DAB1: variants seen among roughly 807,000 people sequenced by gnomAD.
DAB1 encodes the protein DAB adaptor protein 1, also known as disabled homolog 1.
Under a neutral mutation model 64.6 loss-of-function variants are expected in DAB1, and 15 were observed. The observed-to-expected ratio is 0.23, with a 90% CI of 0.16 to 0.36. The LOEUF is 0.36. Ranked by LOEUF, DAB1 falls within the 10% of genes least tolerant of loss-of-function variation. The probability of loss-of-function intolerance (pLI) is 1.00; values close to 1 mark genes in which losing one functional copy is unlikely to be tolerated. For missense variants in DAB1, 596 were observed against 706.7 expected (o/e 0.84, Z 1.78); for synonymous variants, 235 against 251.9 (o/e 0.93, Z 0.64).
At chr1:57,232,373 T>C (rs1286033706) in intron 2 of DAB1, among the ~76,000 whole-genome samples, 1 of 150,250 alleles carries the variant, frequency 6.7e-6, no homozygotes, top group Non-Finnish European at 1.5e-5. Context: ...ATTAGCTTCA[T>C]AGATATTCAT....
At chr1:58,307,812 A>G (rs1268980974) in intron 4 of DAB1, among the ~76,000 whole-genome samples, 1 of 152,014 alleles carries the variant, frequency 6.6e-6, no homozygotes, top group Non-Finnish European at 1.5e-5. Context: ...TAGAGCATAA[A>G]TACCCAGGAA....
intron 5 of DAB1, among the ~76,000 whole-genome samples, chr1:57,992,524 G>A (rs1646360494): frequency 6.6e-6 from 1 of 152,120 alleles, no homozygotes; most frequent in Non-Finnish European, 1.5e-5. Flanking sequence ...TCTCAGTCTG[G>A]CCCAAAGGAA....
chr1:58,521,762 ATAAT>A (rs1265817674), intron 2 of DAB1, among the ~76,000 whole-genome samples: 2 of 152,202 alleles, frequency 1.3e-5, no homozygotes, highest in African/African-American at 2.4e-5. Context: ...GACTGAATCC[ATAAT>A]TAAAGACAAA....
At chr1:57,820,867 T>C (rs1652084687) in intron 6 of DAB1, among the ~76,000 whole-genome samples, 1 of 152,234 alleles carries the variant, frequency 6.6e-6, no homozygotes, top group South Asian at 2.1e-4. Context: ...ATTGCTGATA[T>C]TGCTCAATAG....
At chr1:58,509,152 G>A (rs1427497933) in intron 2 of DAB1, among the ~76,000 whole-genome samples, 1 of 151,320 alleles carries the variant, frequency 6.6e-6, no homozygotes, top group Admixed American at 6.6e-5. Context: ...TCAACAATAA[G>A]AGTGAAAAAA....
intron 10 of DAB1, 87 bp from the exon 11 acceptor site, chr1:57,023,726 G>C (rs543422866): frequency 1.2e-6 from 1 of 822,084 alleles, no homozygotes; most frequent in Non-Finnish European, 2.1e-6. Flanking sequence ...GAATTAAGGC[G>C]CAGGGGAAGG....
At chr1:57,212,342 C>T (rs1335376499) in intron 2 of DAB1, among the ~76,000 whole-genome samples, 2 of 140,806 alleles carry the variant, frequency 1.4e-5, no homozygotes, top group African/African-American at 5.2e-5. Flanking sequence ...GGTAATATTA[C>T]ATGTATATAT....
chr1:58,230,152 A>G (rs1659708729), intron 4 of DAB1, among the ~76,000 whole-genome samples: 2 of 152,142 alleles, frequency 1.3e-5, no homozygotes, highest in African/African-American at 4.8e-5. Context: ...GAACAAGGTG[A>G]CCTTCCTTCC....
chr1:57,445,958 A>G (rs1686121315), intron 7 of DAB1, among the ~76,000 whole-genome samples: 1 of 152,194 alleles, frequency 6.6e-6, no homozygotes, highest in South Asian at 2.1e-4. Context: ...AGTATTCTGA[A>G]TCAGTCTTTC....
At chr1:58,501,512 C>T (rs981579672) in intron 3 of DAB1, among the ~76,000 whole-genome samples, 1 of 152,186 alleles carries the variant, frequency 6.6e-6, no homozygotes, top group East Asian at 1.9e-4. Flanking sequence ...ACGCCCTCCC[C>T]CTTCCCTTGC....
intron 5 of DAB1, among the ~76,000 whole-genome samples, chr1:58,050,121 C>A (rs1023947434): frequency 1.3e-5 from 2 of 152,086 alleles, no homozygotes; most frequent in African/African-American, 4.8e-5. Flanking sequence ...ATAGCACGTA[C>A]AAAGGCCCTG....
At chr1:58,501,386 C>T (rs1645904449) in intron 3 of DAB1, among the ~76,000 whole-genome samples, 1 of 152,138 alleles carries the variant, frequency 6.6e-6, no homozygotes, top group Non-Finnish European at 1.5e-5. Flanking sequence ...CTGTAGATCA[C>T]ATCATTTTCA....
Position 58,119,163 on chromosome 1 carries a change from C to T in DAB1, n.387+31348G>A, listed in dbSNP as rs542019138. On this transcript the variant is annotated intron_variant and non_coding_transcript_variant, in intron 5 of 20. Coordinates refer to the DAB1 transcript ENST00000485760. ...CAAGCATTGAACAAATATTTATCTG[C>T]AATCTCTTGTCTGAATTATAAAATC... 3.9e-5 allele frequency among the ~76,000 whole-genome samples: 6 copies of T among 152,056 alleles called. No homozygotes were observed. In the South Asian group the frequency reaches 8.3e-4, roughly 21 times the overall value.
chr1:57,485,806 T>A (rs1644083495), intron 7 of DAB1, among the ~76,000 whole-genome samples: 1 of 152,338 alleles, frequency 6.6e-6, no homozygotes, highest in South Asian at 2.1e-4. Context: ...GCTGTCATAA[T>A]CACTGTGATG....
At chr1:57,693,501 A>G (rs1646788828) in intron 6 of DAB1, among the ~76,000 whole-genome samples, 1 of 148,908 alleles carries the variant, frequency 6.7e-6, no homozygotes, top group Admixed American at 6.6e-5. Context: ...TGGACCAATC[A>G]GCACTCTGTA....
At chr1:57,831,709 A>G (rs946545681) in intron 1 of DAB1, among the ~76,000 whole-genome samples, 1 of 151,608 alleles carries the variant, frequency 6.6e-6, no homozygotes. Flanking sequence ...TGCCTGCCTA[A>G]TTTTTTGTAT....
intron 9 of DAB1, among the ~76,000 whole-genome samples, chr1:57,035,030 G>C (rs1262802269): frequency 6.6e-6 from 1 of 152,146 alleles, no homozygotes; most frequent in African/African-American, 2.4e-5. Flanking sequence ...TGACTTAACT[G>C]TGGCTTCAAT....
At chr1:58,505,656 T>G (rs566419507) in intron 3 of DAB1, among the ~76,000 whole-genome samples, 2 of 152,126 alleles carry the variant, frequency 1.3e-5, no homozygotes, top group Non-Finnish European at 2.9e-5. Flanking sequence ...ACAATTAATA[T>G]CCACTTGACC....
intron 4 of DAB1, among the ~76,000 whole-genome samples, chr1:58,342,157 T>G (rs1643945765): frequency 6.6e-6 from 1 of 152,200 alleles, no homozygotes; most frequent in South Asian, 2.1e-4. Flanking sequence ...CAGTGTGAGT[T>G]CCACTGTTTT....
Sources: gnomAD v4.1 joint callset for allele counts (sites outside exome capture counted in the v4.1 genomes callset) on GRCh38, gnomAD v4.1.1 for gene constraint, MANE v1.5 for transcripts, NCBI Gene and HGNC (gene_info 2026-07-23, HGNC 2026-07-21) for gene names.